SGCD: variants seen among roughly 807,000 people sequenced by gnomAD.
SGCD encodes the protein delta-sarcoglycan.
A neutral mutation model predicts 36.6 loss-of-function variants in SGCD; 18 were observed. The ratio of observed to expected loss-of-function variants is 0.49; its 90% CI spans 0.34 to 0.73. SGCD has a LOEUF of 0.73. Ranked by LOEUF, SGCD falls within the 30% of genes least tolerant of loss-of-function variation. SGCD has a pLI of 0.01. For missense variants in SGCD, 387 were observed against 346.7 expected (o/e 1.12, Z -0.92); for synonymous variants, 133 against 130.6 (o/e 1.02, Z -0.12).
At chr5:156,199,381 A>G (rs1407889841) in intron 3 of SGCD, among the ~76,000 whole-genome samples, 2 of 152,110 alleles carry the variant, frequency 1.3e-5, no homozygotes, top group Non-Finnish European at 2.9e-5. Context: ...TTCTTCACAG[A>G]ATTGGGAAAT....
At chr5:155,850,315 C>T in the SGCD span, among the ~76,000 whole-genome samples, 1 of 152,038 alleles carries the variant, frequency 6.6e-6, no homozygotes, top group Non-Finnish European at 1.5e-5. Flanking sequence ...TGAAACCTGC[C>T]TAGCCTCAAA....
chr5:156,212,937 A>ATATC (rs973054431), intron 3 of SGCD, among the ~76,000 whole-genome samples: 1 of 152,122 alleles, frequency 6.6e-6, no homozygotes, highest in Non-Finnish European at 1.5e-5. Flanking sequence ...AAATTTAAAA[A>ATATC]TATCTTGACA....
the SGCD span, among the ~76,000 whole-genome samples, chr5:155,824,653 G>C: frequency 6.6e-6 from 1 of 152,096 alleles, no homozygotes; most frequent in South Asian, 2.1e-4. Flanking sequence ...TGAGGCTCTG[G>C]GAAATTGGTT....
intron 1 of SGCD, among the ~76,000 whole-genome samples, chr5:155,905,384 G>T (rs930697347): frequency 6.6e-6 from 1 of 152,036 alleles, no homozygotes; most frequent in Non-Finnish European, 1.5e-5. Context: ...ATTGAGTGAA[G>T]CTGTCAATCA....
intron 3 of SGCD, among the ~76,000 whole-genome samples, chr5:156,383,843 T>C (rs1282067245): frequency 6.6e-6 from 1 of 152,220 alleles, no homozygotes; most frequent in Non-Finnish European, 1.5e-5. Context: ...AGATGCCAGA[T>C]GTAGTAATTT....
At chr5:156,061,575 T>C (rs75671392) in intron 1 of SGCD, among the ~76,000 whole-genome samples, 4,369 of 146,248 alleles carry the variant, frequency 0.03, 469 homozygotes, top group African/African-American at 0.1. Context: ...ATTGGACCCC[T>C]CAATGGAAAT....
intron 1 of SGCD, among the ~76,000 whole-genome samples, chr5:156,047,415 C>T (rs1299519436): frequency 6.6e-6 from 1 of 152,128 alleles, no homozygotes; most frequent in Non-Finnish European, 1.5e-5. Flanking sequence ...TGCCTGGCCT[C>T]ATTGCTTCAA....
the SGCD span, among the ~76,000 whole-genome samples, chr5:155,832,459 ACTT>A: frequency 1.3e-5 from 2 of 151,968 alleles, no homozygotes; most frequent in Admixed American, 1.3e-4. Flanking sequence ...AATCTGGGAA[ACTT>A]CTCTCTGGTC....
intron 3 of SGCD, among the ~76,000 whole-genome samples, chr5:156,454,284 T>C (rs1383565537): frequency 1.3e-5 from 2 of 151,990 alleles, no homozygotes; most frequent in Non-Finnish European, 2.9e-5. Flanking sequence ...TCAGTGAGGG[T>C]CCAATCATGA....
intron 1 of SGCD, among the ~76,000 whole-genome samples, chr5:155,940,856 AC>A (rs1757307057): frequency 1.1e-5 from 1 of 88,590 alleles, no homozygotes; most frequent in East Asian, 3.3e-4. Context: ...AAACAAACAA[AC>A]AACAACAACA....
In SGCD at chr5:156,349,488, A is replaced by T. The variant is rs575625415; in HGVS notation, c.192+4811A>T. Among the ~76,000 whole-genome samples, 14 of 152,252 alleles carry T rather than the reference A, an allele frequency of 9.2e-5. No individual in the cohort carries two copies. The East Asian group carries it at 2.7e-3, about 29-fold the overall frequency. Reference sequence around the variant, plus strand: ...ATTGATATAAATGGCCAAGAAACATAAAAAAAGTACAACAGATCTAATCAT... The same window carrying T: ...ATTGATATAAATGGCCAAGAAACATTAAAAAAGTACAACAGATCTAATCAT... On this transcript the variant is annotated intron_variant, in intron 3 of 8. Coordinates refer to ENST00000337851, the MANE Select transcript of SGCD (RefSeq NM_000337.6).
intron 3 of SGCD, among the ~76,000 whole-genome samples, chr5:156,439,753 A>G (rs890798413): frequency 2.6e-5 from 4 of 152,160 alleles, no homozygotes; most frequent in Admixed American, 1.3e-4. Context: ...GCATAGGAAC[A>G]TTTTGATTAA....
chr5:156,412,286 C>A (rs996656776), intron 3 of SGCD, among the ~76,000 whole-genome samples: 1 of 152,314 alleles, frequency 6.6e-6, no homozygotes, highest in African/African-American at 2.4e-5. Flanking sequence ...GTTGACCAAA[C>A]TTTCAAGAAT....
intron 3 of SGCD, among the ~76,000 whole-genome samples, chr5:156,374,294 C>T (rs1244958425): frequency 6.6e-6 from 1 of 152,154 alleles, no homozygotes; most frequent in Non-Finnish European, 1.5e-5. Flanking sequence ...CTCACTCATG[C>T]CTGGCTTGAT....
intron 3 of SGCD, among the ~76,000 whole-genome samples, chr5:156,168,994 A>G (rs892625375): frequency 6.6e-6 from 1 of 152,202 alleles, no homozygotes; most frequent in Non-Finnish European, 1.5e-5. Context: ...CAGCCCCTGT[A>G]ACTACGAATC....
In SGCD at chr5:156,752,771, A is replaced by C. The variant is rs137967114; in HGVS notation, c.576-4810A>C. On this transcript the variant is annotated intron_variant, in intron 7 of 8. Transcript: ENST00000337851. ...TCATAAAATTTAATAATTCAGATCA[A>C]AATTCAAAACATTTTAAATTAGAAA... Among the ~76,000 whole-genome samples, 381 of 152,282 alleles carry C rather than the reference A, an allele frequency of 2.5e-3. 2 individuals are homozygous for C. The highest frequency in any genetic ancestry group is 0.014 in the Middle Eastern group (4 of 294).
chr5:156,390,132 G>A (rs1229884364), intron 3 of SGCD, among the ~76,000 whole-genome samples: 1 of 152,048 alleles, frequency 6.6e-6, no homozygotes, highest in Non-Finnish European at 1.5e-5. Context: ...CATAATACAT[G>A]ATAATGATAA....
intron 3 of SGCD, among the ~76,000 whole-genome samples, chr5:156,235,600 A>T (rs1471234571): frequency 6.6e-6 from 1 of 152,228 alleles, no homozygotes; most frequent in African/African-American, 2.4e-5. Context: ...TCATTTCTTA[A>T]TGATGGCAGA....
the SGCD span, among the ~76,000 whole-genome samples, chr5:155,827,871 A>G: frequency 1.4e-5 from 1 of 70,280 alleles, no homozygotes; most frequent in African/African-American, 5.2e-5. Flanking sequence ...TTGTATTTTT[A>G]GTAGAAACGG....
Sources: gnomAD v4.1 joint callset for allele counts (sites outside exome capture counted in the v4.1 genomes callset) on GRCh38, gnomAD v4.1.1 for gene constraint, MANE v1.5 for transcripts, NCBI Gene and HGNC (gene_info 2026-07-23, HGNC 2026-07-21) for gene names.